The following ESYT3 variants were observed in gnomAD, a reference collection of about 807,000 sequenced individuals.
The protein encoded by ESYT3 is extended synaptotagmin 3.
ESYT3 carries 101 observed loss-of-function variants against 111.5 expected under a neutral mutation model. That is an observed-to-expected ratio of 0.91 (90% CI 0.77 to 1.07). The LOEUF (loss-of-function observed/expected upper bound fraction) is 1.07, where lower values mean the gene tolerates loss of function less well. Ranked by LOEUF, ESYT3 falls within the 50% of genes least tolerant of loss-of-function variation. ESYT3 has a pLI of 0.00. For synonymous variants in ESYT3, 416 were observed against 446.8 expected, an observed-to-expected ratio of 0.93 and a Z score of 0.87; for missense variants, 1,097 against 1,109.4, an observed-to-expected ratio of 0.99 and a Z score of 0.16.
intron 1 of ESYT3, among the ~76,000 whole-genome samples, chr3:138,450,498 C>G (rs961191333): frequency 6.6e-6 from 1 of 152,204 alleles, no homozygotes; most frequent in East Asian, 1.9e-4. Flanking sequence ...CGTATTTTCT[C>G]TTCCGTACCT....
In ESYT3 at chr3:138,474,352, C is replaced by T. The variant is rs374789689; in HGVS notation, c.2468C>T (p.Thr823Ile). The change falls in exon 20 of 23, where the codon ACA (threonine) becomes ATA (isoleucine). Residue 823 changes from threonine (T) to isoleucine (I), a missense_variant and splice_region_variant. Thr to Ile is a moderately conservative substitution (Grantham distance 89). Coordinates refer to ENST00000389567, the MANE Select transcript of ESYT3 (RefSeq NM_031913.5). ...ACCTTGGAACCCCTGTTTGATGAGA[C>T]GTAAGTGGGCTGGTGGCCTGCCTAG... ...RKTLEPLFDETFEFFVPMEEV... is the reference protein window; with the variant it reads ...RKTLEPLFDEIFEFFVPMEEV... 192 of 1,587,542 alleles carry T rather than the reference C, an allele frequency of 1.2e-4. 3 individuals are homozygous for T. In the South Asian group the frequency reaches 2.0e-3, roughly 16 times the overall value.
chr3:138,465,129 C>T (rs1014799214), intron 9 of ESYT3, among the ~76,000 whole-genome samples: 1 of 152,196 alleles, frequency 6.6e-6, no homozygotes, highest in Admixed American at 6.5e-5. Context: ...GTCCCCTGGG[C>T]ACCTGCTCTG....
chr3:138,460,139 C>A (rs2032542470), intron 6 of ESYT3, 105 bp downstream of exon 6: 1 of 939,184 alleles, frequency 1.1e-6, no homozygotes, highest in Non-Finnish European at 1.7e-6. Context: ...ATTGTCCCAG[C>A]CCACTGAGAC....
chr3:138,454,992 C>A (rs1045519190), intron 2 of ESYT3, among the ~76,000 whole-genome samples: 1 of 152,136 alleles, frequency 6.6e-6, no homozygotes, highest in Non-Finnish European at 1.5e-5. Context: ...GTGGGAACCA[C>A]GGCTGTAGTT....
rs2030623701 is a variant in ESYT3, at chr3:138,435,728, C to T, written c.327+603C>T. Among the ~76,000 whole-genome samples the T allele has an allele frequency of 6.6e-6, 1 of 152,108 alleles. No individual in the cohort carries two copies. Among genetic ancestry groups the T allele is most frequent in the East Asian group, 1.9e-4 (1 of 5,174 alleles). ...GGATGCCGGCACACGCACACTGCCCCGACAAACCCATCTCCTGGGGCGGCA... is the reference window on the plus strand; with the variant it reads ...GGATGCCGGCACACGCACACTGCCCTGACAAACCCATCTCCTGGGGCGGCA... On this transcript the variant is annotated intron_variant, in intron 1 of 22. Transcript: ENST00000389567. The surrounding 1 kb of genome is among the most constrained non-coding windows in gnomAD (Gnocchi z 4.8).
intron 1 of ESYT3, among the ~76,000 whole-genome samples, chr3:138,450,489 G>A (rs1263917295): frequency 2.0e-5 from 3 of 152,146 alleles, no homozygotes; most frequent in African/African-American, 4.8e-5. Flanking sequence ...GAACCAGGCC[G>A]TATTTTCTCT....
Position 138,476,227 on chromosome 3 carries a change from G to T in ESYT3, c.2473G>T (p.Glu825Ter), listed in dbSNP as rs1347214461. ...CTTCCTTTTTGCTTCCTAAAGATTT[G>T]AATTTTTTGTTCCCATGGAAGAAGT... ...TLEPLFDETF[E>*]FFVPMEEVKK... Residue 825 changes from glutamate (E) to a stop codon, truncating the protein, a stop_gained, in exon 21 of 23, where the codon GAA becomes TAA. Transcript: ENST00000389567. LOFTEE classifies it high-confidence loss of function. 2.5e-6 allele frequency: 4 copies of T among 1,606,828 alleles called. No homozygotes were observed. Among genetic ancestry groups the T allele is most frequent in the Non-Finnish European group, 2.6e-6 (3 of 1,174,892 alleles).
intron 3 of ESYT3, 141 bp from the exon 4 acceptor site, chr3:138,457,427 A>G (rs2032350833): frequency 1.3e-6 from 1 of 777,962 alleles, no homozygotes; most frequent in East Asian, 2.5e-5. Context: ...GGGCTGCAGG[A>G]TAGATTTACA....
At chr3:138,468,995 AT>A in intron 14 of ESYT3, 114 bp downstream of exon 14, 1 of 1,136,798 alleles carries the variant, frequency 8.8e-7, no homozygotes, top group African/African-American at 1.5e-5. Context: ...CAGCCTGGGG[AT>A]AACAAGAGGT....
rs183486004 is a variant in ESYT3 at position 138,474,195 on chromosome 3, T to C, written c.2337-26T>C. 51 of 1,597,000 alleles carry C rather than the reference T, an allele frequency of 3.2e-5. No homozygotes were observed. The African/African-American group carries it at 4.8e-4, about 15-fold the overall frequency. On this transcript the variant is annotated intron_variant, in intron 19 of 22. Coordinates refer to ENST00000389567, the MANE Select transcript of ESYT3 (RefSeq NM_031913.5). The stretch of plus-strand genomic sequence containing the variant: ...GAAAACCAGGGCCCTTTTTTTTTTT[T>C]CCTAATGTCTTTGACACCAAATCAG...
intron 1 of ESYT3, among the ~76,000 whole-genome samples, chr3:138,451,181 T>G (rs573047786): frequency 6.6e-6 from 1 of 152,194 alleles, no homozygotes; most frequent in Non-Finnish European, 1.5e-5. Context: ...CCTTCCACTG[T>G]TCCCCCTTCC....
chr3:138,461,766 G>A (rs111939738), intron 7 of ESYT3, among the ~76,000 whole-genome samples: 129 of 152,296 alleles, frequency 8.5e-4, no homozygotes, highest in African/African-American at 3.0e-3. Flanking sequence ...ACAGCTAGTC[G>A]ATGGTGGAGC....
chr3:138,459,278 C>A, intron 5 of ESYT3, 25 bp downstream of exon 5: 1 of 1,518,738 alleles, frequency 6.6e-7, no homozygotes, highest in East Asian at 2.4e-5. Context: ...GTGGGGCTGC[C>A]TCTGTTCCAG....
At chr3:138,468,462 T>G (rs2033045579) in intron 12 of ESYT3, among the ~76,000 whole-genome samples, 193 bp from the exon 13 acceptor site, 1 of 152,152 alleles carries the variant, frequency 6.6e-6, no homozygotes, top group Non-Finnish European at 1.5e-5. Context: ...CCACTCAGTG[T>G]CTAACTTGAA....
rs1406492111 is a variant in ESYT3, at chr3:138,472,819, T to G, written c.2197T>G (p.Ser733Ala). 1 of 1,614,208 alleles carries G rather than the reference T, an allele frequency of 6.2e-7. No individual in the cohort carries two copies. The highest frequency in any genetic ancestry group is 1.7e-5 in the Admixed American group (1 of 60,032). ...PSMSSLNSLASSCFDLADISL... is the reference protein window; with the variant it reads ...PSMSSLNSLAASCFDLADISL... ...CATGTCCTCGCTCAACTCCTTGGCC[T>G]CTTCTTGCTTTGACCTGGCAGATAT... is the stretch of plus-strand genomic sequence containing the variant. The change falls in exon 18 of 23, where the codon TCT becomes GCT. Residue 733 changes from serine (S) to alanine (A), a missense_variant. Transcript: ENST00000389567.
At position 138,478,217 on chromosome 3, in the gene ESYT3, TTA is replaced by T. The variant is rs2033573908; in HGVS notation, c.*1367_*1368del. 1 of 152,240 alleles carries T rather than the reference TTA, an allele frequency of 6.6e-6. No homozygotes were observed. Among genetic ancestry groups the T allele is most frequent in the African/African-American group, 2.4e-5 (1 of 41,454 alleles). The allele number at this position is 152,240 out of a possible 1,614,324, so 9.4% of individuals were successfully genotyped here. On this transcript the variant is annotated 3_prime_UTR_variant, in exon 23 of 23. Coordinates refer to ENST00000389567, the MANE Select transcript of ESYT3 (RefSeq NM_031913.5). ...CTAAGGTTACATGCTAAGCAGCTACTTATATTGTATTTGGTATTTAATTTTGT... is the reference window on the plus strand; with the variant it reads ...CTAAGGTTACATGCTAAGCAGCTACTTATTGTATTTGGTATTTAATTTTGT...
Position 138,470,156 on chromosome 3 carries a change from A to AAG in ESYT3, c.1590+12_1590+13dup, listed in dbSNP as rs765217459. On this transcript the variant is annotated intron_variant, in intron 16 of 22. Coordinates refer to ENST00000389567, the MANE Select transcript of ESYT3 (RefSeq NM_031913.5). ...GCGGCTCCATCTGAAGGTTTGATGG[A>AAG]AGAAGGGCTCTTGAAACAGAGTTAA... 6.2e-7 allele frequency: 1 copy of AAG among 1,610,318 alleles called. No homozygotes were observed. The highest frequency in any genetic ancestry group is 1.1e-5 in the South Asian group (1 of 90,854).
At position 138,455,181 on chromosome 3, in the gene ESYT3, C is replaced by T. The variant is rs753438792; in HGVS notation, c.370-13C>T. The T allele has an allele frequency of 1.9e-6, 3 of 1,614,026 alleles. No homozygotes were observed. The highest frequency in any genetic ancestry group is 2.2e-5 in the South Asian group (2 of 91,064). ...CAGACCTGACTACCAAGAGCCTCTT[C>T]CCGTCTTCACAGATCATCTCTCAGA... is the stretch of plus-strand genomic sequence containing the variant. On this transcript the variant is annotated splice_polypyrimidine_tract_variant and intron_variant, in intron 2 of 22. Transcript: ENST00000389567.
chr3:138,452,095 G>C lies in ESYT3; in HGVS notation c.369+6G>C. The C allele has an allele frequency of 1.2e-6, 2 of 1,607,876 alleles. No individual in the cohort carries two copies. The highest frequency in any genetic ancestry group is 1.7e-6 in the Non-Finnish European group (2 of 1,179,774). On this transcript the variant is annotated splice_donor_region_variant and intron_variant, in intron 2 of 22. Transcript: ENST00000389567. ...GGGTCGAGTGGGCCAACAAGGTAAG[G>C]CCGCTGGCAGGGCCTAGCAGGGCCG... is the stretch of plus-strand genomic sequence containing the variant.
Sources: gnomAD v4.1 joint callset for allele counts (sites outside exome capture counted in the v4.1 genomes callset) on GRCh38, gnomAD v4.1.1 for gene constraint, Gnocchi (gnomAD v3.1) non-coding constraint, MANE v1.5 for transcripts, NCBI Gene and HGNC (gene_info 2026-07-23, HGNC 2026-07-21) for gene names.